SHISA6: variants seen among roughly 807,000 people sequenced by gnomAD.
The protein encoded by SHISA6 is protein shisa-6.
A neutral mutation model predicts 47.9 loss-of-function variants in SHISA6; 22 were observed. That is an observed-to-expected ratio of 0.46 (90% CI 0.33 to 0.66). The LOEUF (loss-of-function observed/expected upper bound fraction) is 0.66. Among genes scored for constraint, SHISA6 ranks in the 30% least tolerant of loss-of-function variants. The pLI is 0.02. For synonymous variants in SHISA6, 388 were observed against 337.8 expected (o/e 1.15, Z -1.63); for missense variants, 680 against 764.6 (o/e 0.89, Z 1.30).
At chr17:11,384,909 C>T (rs189859401) in intron 3 of SHISA6, among the ~76,000 whole-genome samples, 28 of 152,292 alleles carry the variant, frequency 1.8e-4, no homozygotes, top group African/African-American at 6.3e-4. Flanking sequence ...CTACAGTGAT[C>T]GCTCTGTTGT....
At chr17:11,410,794 C>T (rs576804443) in intron 3 of SHISA6, among the ~76,000 whole-genome samples, 5 of 152,122 alleles carry the variant, frequency 3.3e-5, no homozygotes, top group African/African-American at 1.2e-4. Flanking sequence ...TTTCCAGTAC[C>T]ACCCCAGGCC....
intron 3 of SHISA6, among the ~76,000 whole-genome samples, chr17:11,404,835 G>C (rs201194769): frequency 6.6e-6 from 1 of 152,276 alleles, no homozygotes; most frequent in East Asian, 1.9e-4. Flanking sequence ...ATCTTCATCT[G>C]TTGACTCTGC....
chr17:11,380,691 G>C (rs575423718), intron 3 of SHISA6, among the ~76,000 whole-genome samples: 2 of 152,284 alleles, frequency 1.3e-5, no homozygotes, highest in South Asian at 4.1e-4. Flanking sequence ...ATAAACATCC[G>C]TTATCTCACA....
rs186025553 is a variant in SHISA6, at chr17:11,274,454, G to C, written c.799+10928G>C. Among the ~76,000 whole-genome samples the C allele has an allele frequency of 2.0e-5, 3 of 152,334 alleles. No homozygotes were observed. The East Asian group carries it at 5.8e-4, about 29-fold the overall frequency. ...GAGCGAGAGGGTGCTGGGCAAGGGC[G>C]GCCCTGAGCAGCAGGAAGTGAGGGA... is the stretch of plus-strand genomic sequence containing the variant. On this transcript the variant is annotated intron_variant, in intron 2 of 5. Transcript: ENST00000441885.
chr17:11,248,719 C>G (rs548686265), intron 1 of SHISA6, among the ~76,000 whole-genome samples: 8 of 152,282 alleles, frequency 5.3e-5, no homozygotes, highest in African/African-American at 1.9e-4. Flanking sequence ...ATAACCTAAT[C>G]TAAGCATAAT....
intron 3 of SHISA6, among the ~76,000 whole-genome samples, chr17:11,526,877 CATCATATATATATATAT>C (rs2071686717): frequency 1.5e-4 from 6 of 41,136 alleles, no homozygotes; most frequent in African/African-American, 5.0e-4. Context: ...AGCTATCTAT[CATCATATATATATATAT>C]ATATATATAT....
rs2072031506 is a variant in SHISA6 at position 11,560,407 on chromosome 17, AAG to A, written c.*2106_*2107del. Reference sequence around the variant, plus strand: ...TAAGGGCTGGTCCCCAGGGGTTTATAAGAGTTTGTTCCAGAAGGTGAGGCTAA... The same window carrying A: ...TAAGGGCTGGTCCCCAGGGGTTTATAAGTTTGTTCCAGAAGGTGAGGCTAA... On this transcript the variant is annotated 3_prime_UTR_variant, in exon 6 of 6. Transcript: ENST00000441885. The A allele has an allele frequency of 6.6e-6, 1 of 152,338 alleles. No individual in the cohort carries two copies. Among genetic ancestry groups the A allele is most frequent in the Non-Finnish European group, 1.5e-5 (1 of 68,178 alleles). 9.4% of individuals were successfully genotyped at this position (152,338 alleles called of 1,614,324 possible).
At chr17:11,532,125 T>C (rs1287427784) in intron 3 of SHISA6, among the ~76,000 whole-genome samples, 1 of 151,938 alleles carries the variant, frequency 6.6e-6, no homozygotes, top group Non-Finnish European at 1.5e-5. Flanking sequence ...GGAGAGAAAA[T>C]TGAAGCAGGA....
chr17:11,525,794 A>C (rs1468067893), intron 3 of SHISA6, among the ~76,000 whole-genome samples: 1 of 151,976 alleles, frequency 6.6e-6, no homozygotes, highest in Admixed American at 6.6e-5. Flanking sequence ...GGAGGGCTCA[A>C]GGGTTTGAGA....
chr17:11,405,627 C>A (rs575101765), intron 3 of SHISA6, among the ~76,000 whole-genome samples: 2 of 152,148 alleles, frequency 1.3e-5, no homozygotes, highest in East Asian at 3.9e-4. Context: ...CATGGTGAAA[C>A]CCTGTCTCCA....
intron 3 of SHISA6, among the ~76,000 whole-genome samples, chr17:11,546,656 C>T (rs1213230199): frequency 6.6e-6 from 1 of 152,124 alleles, no homozygotes; most frequent in Non-Finnish European, 1.5e-5. Flanking sequence ...CGCAGTGGCT[C>T]ATGCCTGGAA....
intron 3 of SHISA6, among the ~76,000 whole-genome samples, chr17:11,497,575 C>G (rs1445853250): frequency 1.3e-5 from 2 of 152,202 alleles, no homozygotes; most frequent in African/African-American, 2.4e-5. Flanking sequence ...AATGCCACTT[C>G]AGGGATCAAT....
chr17:11,408,928 A>G (rs1436243785), intron 3 of SHISA6, among the ~76,000 whole-genome samples: 1 of 152,196 alleles, frequency 6.6e-6, no homozygotes, highest in Non-Finnish European at 1.5e-5. Flanking sequence ...TAAAGACTGG[A>G]GCTTTGGTCA....
chr17:11,297,607 G>T (rs1352435544), intron 2 of SHISA6, among the ~76,000 whole-genome samples: 1 of 152,178 alleles, frequency 6.6e-6, no homozygotes, highest in South Asian at 2.1e-4. Context: ...ATATTAACCA[G>T]AATCTGGCCA....
chr17:11,471,299 T>C (rs556441370), intron 3 of SHISA6, among the ~76,000 whole-genome samples: 2 of 151,646 alleles, frequency 1.3e-5, no homozygotes, highest in South Asian at 4.2e-4. Context: ...GCAACTCAGA[T>C]GGGCAGGACC....
chr17:11,246,307 G>A (rs542904869), intron 1 of SHISA6, among the ~76,000 whole-genome samples: 1 of 152,222 alleles, frequency 6.6e-6, no homozygotes, highest in African/African-American at 2.4e-5. Flanking sequence ...TGGCTAACAC[G>A]GTGAAATCCC....
At chr17:11,262,460 G>A (rs190125835) in intron 1 of SHISA6, among the ~76,000 whole-genome samples, 84 of 152,286 alleles carry the variant, frequency 5.5e-4, no homozygotes, top group South Asian at 1.2e-3. Context: ...ACTGCCAGTG[G>A]GTATCTCACA....
chr17:11,386,660 G>T (rs1913204521), intron 3 of SHISA6, among the ~76,000 whole-genome samples: 1 of 152,218 alleles, frequency 6.6e-6, no homozygotes, highest in Non-Finnish European at 1.5e-5. Context: ...TATTTCAGAA[G>T]TAACATTCTT....
At chr17:11,381,891 T>C (rs945541838) in intron 3 of SHISA6, among the ~76,000 whole-genome samples, 1 of 152,192 alleles carries the variant, frequency 6.6e-6, no homozygotes, top group African/African-American at 2.4e-5. Flanking sequence ...TTGTGCCATA[T>C]TTTTCTCCCC....
Sources: gnomAD v4.1 joint callset for allele counts (sites outside exome capture counted in the v4.1 genomes callset) on GRCh38, gnomAD v4.1.1 for gene constraint, MANE v1.5 for transcripts, NCBI Gene and HGNC (gene_info 2026-07-23, HGNC 2026-07-21) for gene names.